The following CALML4 variants were observed in gnomAD, a reference collection of about 807,000 sequenced individuals.
CALML4 encodes calmodulin-like protein 4.
In CALML4, 16 loss-of-function variants were observed where a neutral mutation model predicts 17.9. The observed-to-expected ratio is 0.89, with a 90% CI of 0.61 to 1.36. The LOEUF is 1.36. Ranked by LOEUF, CALML4 falls within the 40% of genes most tolerant of loss-of-function variation. The probability of loss-of-function intolerance (pLI) is 0.00; values close to 1 mark genes in which losing one functional copy is unlikely to be tolerated. For synonymous variants in CALML4, 86 were observed against 71.5 expected, an observed-to-expected ratio of 1.20 and a Z score of -1.02; for missense variants, 203 against 194.8, an observed-to-expected ratio of 1.04 and a Z score of -0.25.
rs540496022 is a variant in CALML4 at position 68,204,858 on chromosome 15, T to A, written c.34+263A>T. On this transcript the variant is annotated intron_variant, in intron 2 of 4. Transcript: ENST00000467889. This position sits in a 1 kb window ranked among gnomAD's most constrained non-coding sequence, Gnocchi z 6.0. ...CAGTCCCCAAATCCAACTGGTCAGG[T>A]TCTGGAGGGAAACCTAGTAAGTTCT... is the stretch of plus-strand genomic sequence containing the variant. 2.4e-4 allele frequency among the ~76,000 whole-genome samples: 36 copies of A among 152,146 alleles called. No individual in the cohort carries two copies. The highest frequency in any genetic ancestry group is 8.7e-4 in the African/African-American group (36 of 41,526).
rs1035336414 is a variant in CALML4 at position 68,192,058 on chromosome 15, A to G, written c.*1957T>C. 6.6e-5 allele frequency: 10 copies of G among 152,206 alleles called. No individual in the cohort carries two copies. The highest frequency in any genetic ancestry group is 6.5e-4 in the Admixed American group (10 of 15,284). 9.4% of individuals were successfully genotyped at this position (152,206 alleles called of 1,614,324 possible). A position where few individuals can be genotyped will look rare whatever the true frequency, so the allele number is the denominator to read the frequency against. On this transcript the variant is annotated 3_prime_UTR_variant, in exon 5 of 5. Coordinates refer to ENST00000467889, the MANE Select transcript of CALML4 (RefSeq NM_033429.3). Reference sequence around the variant, plus strand: ...TAAATATAGACATAGAAAAGCTTTGACGGAAAGTACCCTCATTTATTATAT... The same window carrying G: ...TAAATATAGACATAGAAAAGCTTTGGCGGAAAGTACCCTCATTTATTATAT...
Position 68,194,131 on chromosome 15 carries a change from A to AT in CALML4, c.365-20_365-19insA. 1 of 1,597,842 alleles carries AT rather than the reference A, an allele frequency of 6.3e-7. No individual in the cohort carries two copies. Among genetic ancestry groups the AT allele is most frequent in the Non-Finnish European group, 8.6e-7 (1 of 1,165,500 alleles). On this transcript the variant is annotated intron_variant, in intron 4 of 4. Coordinates refer to ENST00000467889, the MANE Select transcript of CALML4 (RefSeq NM_033429.3). ...TCATCCACTGCAATAAATCACATTT[A>AT]ATTTTTCAGTTTGGCTTTAGTGTTC...
chr15:68,195,613 A>C (rs1409523505), intron 4 of CALML4, among the ~76,000 whole-genome samples: 1 of 152,200 alleles, frequency 6.6e-6, no homozygotes, highest in Non-Finnish European at 1.5e-5. Context: ...TGCTAAAGTC[A>C]GCCCATCCCA....
Position 68,199,607 on chromosome 15 carries a change from T to C in CALML4, c.109A>G (p.Met37Val), listed in dbSNP as rs368129130. Residue 37 changes from methionine to valine, a missense_variant, in exon 3 of 5, where the codon ATG becomes GTG. By Grantham distance (21) the Met-to-Val change is conservative. Transcript: ENST00000467889. ...GTCGGGCTGGCCCCCAGGCACCTCA[T>C]GGCCACCATGAGGTCGGTGGCTTTT... Reference protein sequence around the residue: ...KIKATDLMVAMRCLGASPTPG... With the variant: ...KIKATDLMVAVRCLGASPTPG... 1.2e-6 allele frequency: 2 copies of C among 1,613,650 alleles called. No homozygotes were observed. The highest frequency in any genetic ancestry group is 2.7e-5 in the African/African-American group (2 of 74,840).
chr15:68,195,038 C>CATCA (rs1373858830), intron 4 of CALML4, among the ~76,000 whole-genome samples: 2 of 148,738 alleles, frequency 1.3e-5, no homozygotes, highest in East Asian at 1.9e-4. Context: ...CATTGTTCTC[C>CATCA]ATCACTCCAA....
chr15:68,194,889 CAA>C (rs2093136788), intron 4 of CALML4, among the ~76,000 whole-genome samples: 1 of 150,116 alleles, frequency 6.7e-6, no homozygotes. Flanking sequence ...GCCCCCACCC[CAA>C]GAGAGGACTT....
chr15:68,205,225 A>ACACAGACCCT lies in CALML4; in HGVS notation c.3+10_3+19dup, dbSNP rs756820009. 6 of 1,613,954 alleles carry ACACAGACCCT rather than the reference A, an allele frequency of 3.7e-6. No individual in the cohort carries two copies. Among genetic ancestry groups the ACACAGACCCT allele is most frequent in the African/African-American group, 2.7e-5 (2 of 74,906 alleles). On this transcript the variant is annotated intron_variant, in intron 1 of 4. Transcript: ENST00000467889. This position sits in a 1 kb window ranked among gnomAD's most constrained non-coding sequence, Gnocchi z 4.8. ...CACGCCCCCAGCCCTGGCCAGGCCG[A>ACACAGACCCT]CACAGACCCTCACACTCACCATTCT...
intron 2 of CALML4, among the ~76,000 whole-genome samples, chr15:68,201,144 A>G (rs893344613): frequency 2.6e-5 from 4 of 152,150 alleles, no homozygotes; most frequent in African/African-American, 9.7e-5. Context: ...CCATTTAGAG[A>G]CAAATTCGCG....
Position 68,197,436 on chromosome 15 carries a change from T to G in CALML4, c.364+4A>C, listed in dbSNP as rs2093148906. 1 of 1,613,028 alleles carries G rather than the reference T, an allele frequency of 6.2e-7. No individual in the cohort carries two copies. Among genetic ancestry groups the G allele is most frequent in the Admixed American group, 1.7e-5 (1 of 59,860 alleles). ...CTGTTGGGAGACAGGACCCAGGCTG[T>G]TACCTTCCTTGTGGGTGAGCTTCTC... On this transcript the variant is annotated splice_donor_region_variant and intron_variant, in intron 4 of 4. Coordinates refer to ENST00000467889, the MANE Select transcript of CALML4 (RefSeq NM_033429.3). The surrounding 1 kb of genome is among the most constrained non-coding windows in gnomAD (Gnocchi z 4.1).
At chr15:68,196,972 G>A (rs930553340) in intron 4 of CALML4, among the ~76,000 whole-genome samples, 6 of 122 alleles carry the variant, frequency 0.049, no homozygotes, top group South Asian at 0.5. Flanking sequence ...GACCTCAGCA[G>A]CAACTGCAGA....
chr15:68,197,317 C>G lies in CALML4; in HGVS notation c.364+123G>C. On this transcript the variant is annotated intron_variant, in intron 4 of 4. Transcript: ENST00000467889. The surrounding 1 kb of genome is among the most constrained non-coding windows in gnomAD (Gnocchi z 4.1). The stretch of plus-strand genomic sequence containing the variant: ...ACCTAGTGTGGCATCTGCTCACAGT[C>G]TCCTGCGCGCGCATCAACAGAGGTG... 1.2e-6 allele frequency: 1 copy of G among 862,406 alleles called. No homozygotes were observed. The highest frequency in any genetic ancestry group is 1.8e-6 in the Non-Finnish European group (1 of 556,108). 53.4% of individuals were successfully genotyped at this position (862,406 alleles called of 1,614,324 possible).
chr15:68,197,105 G>T lies in CALML4; in HGVS notation c.364+335C>A, dbSNP rs984658073. Among the ~76,000 whole-genome samples the T allele has an allele frequency of 6.6e-6, 1 of 151,644 alleles. No homozygotes were observed. The highest frequency in any genetic ancestry group is 1.9e-4 in the East Asian group (1 of 5,180). On this transcript the variant is annotated intron_variant, in intron 4 of 4. Coordinates refer to ENST00000467889, the MANE Select transcript of CALML4 (RefSeq NM_033429.3). The surrounding 1 kb of genome is among the most constrained non-coding windows in gnomAD (Gnocchi z 4.1). ...GGAGCAGGCATTTGTGCTCCCAGGG[G>T]TGTCATGCACTAGATGAAGCCCCAC...
At chr15:68,205,473 G>T, upstream of CALML4, 2 of 1,432,110 alleles carry the variant, frequency 1.4e-6, no homozygotes, top group East Asian at 2.4e-5. The surrounding 1 kb of genome is among the most constrained non-coding windows in gnomAD (Gnocchi z 4.8). Flanking sequence ...AGGAAATGGG[G>T]CTGCAGAAGG....
At chr15:68,203,457 A>G (rs2093172118) in intron 2 of CALML4, among the ~76,000 whole-genome samples, 4 of 152,208 alleles carry the variant, frequency 2.6e-5, no homozygotes, top group Admixed American at 2.6e-4. Flanking sequence ...CTCCATCTCC[A>G]CTGATCACAA....
At position 68,200,220 on chromosome 15, in the gene CALML4, G is replaced by C. The variant is rs2093161077; in HGVS notation, c.35-539C>G. Among the ~76,000 whole-genome samples, 2 of 152,340 alleles carry C rather than the reference G, an allele frequency of 1.3e-5. No homozygotes were observed. Among genetic ancestry groups the C allele is most frequent in the East Asian group, 1.9e-4 (1 of 5,176 alleles). ...ACTGTGAGAGCCAGAAATCCCAGGA[G>C]GCCTGCCAGAGAGTGGCCTTCATAT... On this transcript the variant is annotated intron_variant, in intron 2 of 4. Transcript: ENST00000467889. This position sits in a 1 kb window ranked among gnomAD's most constrained non-coding sequence, Gnocchi z 4.3.
intron 2 of CALML4, among the ~76,000 whole-genome samples, chr15:68,201,980 C>G (rs2093166804): frequency 6.6e-6 from 1 of 152,226 alleles, no homozygotes; most frequent in African/African-American, 2.4e-5. Flanking sequence ...TCGATGGTGA[C>G]CCCCTGTGAG....
At position 68,204,880 on chromosome 15, in the gene CALML4, TTCTG is replaced by T. The variant is rs1369735103; in HGVS notation, c.34+237_34+240del. ...AGGTTCTGGAGGGAAACCTAGTAAG[TTCTG>T]TCTTAGCGCCCTGGCTTGTAAGTCA... On this transcript the variant is annotated intron_variant, in intron 2 of 4. Transcript: ENST00000467889. This position sits in a 1 kb window ranked among gnomAD's most constrained non-coding sequence, Gnocchi z 6.0. Among the ~76,000 whole-genome samples the T allele has an allele frequency of 6.6e-6, 1 of 152,088 alleles. No homozygotes were observed. Among genetic ancestry groups the T allele is most frequent in the Non-Finnish European group, 1.5e-5 (1 of 68,018 alleles).
chr15:68,205,300 G>A lies in CALML4; in HGVS notation c.-53C>T. ...CTTGCTGCTCCCAGAACCGCGTTCA[G>A]TTCCCTTTCCTCCAGCCTCAAGTCT... On this transcript the variant is annotated 5_prime_UTR_variant, in exon 1 of 5. Transcript: ENST00000467889. The surrounding 1 kb of genome is among the most constrained non-coding windows in gnomAD (Gnocchi z 4.8). 6 of 1,614,148 alleles carry A rather than the reference G, an allele frequency of 3.7e-6. No homozygotes were observed. Among genetic ancestry groups the A allele is most frequent in the Non-Finnish European group, 4.2e-6 (5 of 1,180,040 alleles).
upstream of CALML4, chr15:68,205,401 G>T (rs2093179905): frequency 6.2e-7 from 1 of 1,612,980 alleles, no homozygotes. The surrounding 1 kb of genome is among the most constrained non-coding windows in gnomAD (Gnocchi z 4.8). Context: ...ACGCCACCAG[G>T]GTCAGATTCC....
Sources: allele counts gnomAD v4.1 joint callset (sites outside exome capture counted in the v4.1 genomes callset), GRCh38; gene constraint gnomAD v4.1.1; non-coding constraint Gnocchi (gnomAD v3.1); transcripts MANE v1.5; gene names NCBI Gene and HGNC (gene_info 2026-07-23, HGNC 2026-07-21).